The following AJM1 variants were observed in gnomAD, a reference collection of about 807,000 sequenced individuals.
AJM1 encodes apical junction component 1 homolog, also known as uncharacterized protein C9orf172.
AJM1 carries 22 observed loss-of-function variants against 43.0 expected under a neutral mutation model. That is an observed-to-expected ratio of 0.51 (90% CI 0.37 to 0.73). AJM1 has a LOEUF of 0.73. Among genes scored for constraint, AJM1 ranks in the 30% least tolerant of loss-of-function variants. The probability of loss-of-function intolerance (pLI) is 0.00; values close to 1 mark genes in which losing one functional copy is unlikely to be tolerated. For missense variants in AJM1, 1,305 were observed against 1,343.3 expected (o/e 0.97, Z 0.45); for synonymous variants, 719 against 638.3 (o/e 1.13, Z -1.91).
rs763040813 is a variant in AJM1, at chr9:136,846,762, G to C, written c.2348G>C (p.Arg783Pro). ...CTATCCCCCACCTACCTATCGCTGC[G>C]TGAGCTGGCCACACACGCGGCGCCC... ...LLLSPTYLSL[R>P]ELATHAAPLG... The change falls in exon 3 of 3, where the codon CGT (arginine) becomes CCT (proline). Residue 783 changes from arginine to proline, a missense_variant. Arg to Pro is a moderately radical substitution (Grantham distance 103, BLOSUM62 -2). Coordinates refer to ENST00000436881, the MANE Select transcript of AJM1 (RefSeq NM_001080482.5). 1 of 1,598,308 alleles carries C rather than the reference G, an allele frequency of 6.3e-7. No homozygotes were observed. The highest frequency in any genetic ancestry group is 8.5e-7 in the Non-Finnish European group (1 of 1,176,650).
Position 136,847,297 on chromosome 9 carries a change from C to T in AJM1, c.2883C>T (p.Arg961=). The T allele has an allele frequency of 6.4e-7, 1 of 1,550,478 alleles. No homozygotes were observed. The change falls in exon 3 of 3, where the codon CGC becomes CGT. Residue 961 remains arginine (R), a synonymous_variant. Transcript: ENST00000436881. The part of the protein sequence containing the change: ...MCMIMAASEP[R]ALDWVASANL... ...TGATCATGGCCGCCTCCGAGCCGCG[C>T]GCGCTCGACTGGGTGGCCAGCGCCA...
At position 136,845,448 on chromosome 9, in the gene AJM1, A is replaced by G; in HGVS notation, c.1034A>G (p.Tyr345Cys). The change falls in exon 3 of 3, where the codon TAT becomes TGT. Residue 345 changes from tyrosine (Y) to cysteine (C), a missense_variant. Coordinates refer to ENST00000436881, the MANE Select transcript of AJM1 (RefSeq NM_001080482.5). ...PIQEPPSRSY[Y>C]GEAPRAYGLP... ...CAGGAACCGCCCTCCCGCTCCTACT[A>G]TGGGGAGGCTCCACGAGCCTACGGC... 6.2e-7 allele frequency: 1 copy of G among 1,610,982 alleles called. No homozygotes were observed. Among genetic ancestry groups the G allele is most frequent in the East Asian group, 2.2e-5 (1 of 44,778 alleles).
In AJM1 at chr9:136,847,368, G is replaced by A. The variant is rs1289430070; in HGVS notation, c.*23G>A. On this transcript the variant is annotated 3_prime_UTR_variant, in exon 3 of 3. Transcript: ENST00000436881. ...TGAGGCGCCGGGCCCACCAGGCCTA[G>A]CCCAGGCGCTGGCCCGAACCCTGCC... is the stretch of plus-strand genomic sequence containing the variant. 6.8e-7 allele frequency: 1 copy of A among 1,474,338 alleles called. No homozygotes were observed. Among genetic ancestry groups the A allele is most frequent in the African/African-American group, 1.5e-5 (1 of 68,898 alleles). The allele number at this position is 1,474,338 out of a possible 1,614,324, so 91.3% of individuals were successfully genotyped here.
rs1384022217 is a variant in AJM1, at chr9:136,847,487, C to T, written c.*142C>T. Reference sequence around the variant, plus strand: ...TTCTTCTAGGCCCCGCCTCTAATTCCCCAGCCTTCCAAGCTCCGCTCAGTT... The same window carrying T: ...TTCTTCTAGGCCCCGCCTCTAATTCTCCAGCCTTCCAAGCTCCGCTCAGTT... On this transcript the variant is annotated 3_prime_UTR_variant, in exon 3 of 3. Coordinates refer to ENST00000436881, the MANE Select transcript of AJM1 (RefSeq NM_001080482.5). The T allele has an allele frequency of 3.1e-6, 2 of 638,520 alleles. No homozygotes were observed. Among genetic ancestry groups the T allele is most frequent in the South Asian group, 2.4e-5 (1 of 41,088 alleles). 39.6% of individuals were successfully genotyped at this position (638,520 alleles called of 1,614,324 possible).
chr9:136,847,753 G>A lies in AJM1; in HGVS notation c.*408G>A. 1 of 181,452 alleles carries A rather than the reference G, an allele frequency of 5.5e-6. No individual in the cohort carries two copies. The highest frequency in any genetic ancestry group is 1.1e-5 in the Non-Finnish European group (1 of 87,630). The allele number at this position is 181,452 out of a possible 1,614,324, so 11.2% of individuals were successfully genotyped here. Reference sequence around the variant, plus strand: ...GCCTTCACTCGGAGGGGTCACTACTGCACAGACCCCACCCGTAGAGATCCG... The same window carrying A: ...GCCTTCACTCGGAGGGGTCACTACTACACAGACCCCACCCGTAGAGATCCG... On this transcript the variant is annotated 3_prime_UTR_variant, in exon 3 of 3. Coordinates refer to ENST00000436881, the MANE Select transcript of AJM1 (RefSeq NM_001080482.5).
rs575731810 is a variant in AJM1 at position 136,845,743 on chromosome 9, C to A, written c.1329C>A (p.Arg443=). Residue 443 remains arginine, a synonymous_variant, in exon 3 of 3, where the codon CGC becomes CGA. Transcript: ENST00000436881. ...CGCCCCGGCTGGCCACCGACAGCCG[C>A]CACTACTCGCGCTCCTGGGACAACA... ...TSPPRLATDS[R]HYSRSWDNIL... 6.2e-4 allele frequency: 975 copies of A among 1,578,000 alleles called. 10 individuals are homozygous for A. In the African/African-American group the frequency reaches 0.012, roughly 20 times the overall value.
Position 136,847,466 on chromosome 9 carries a change from T to C in AJM1, c.*121T>C. 2 of 754,440 alleles carry C rather than the reference T, an allele frequency of 2.7e-6. No individual in the cohort carries two copies. Among genetic ancestry groups the C allele is most frequent in the Non-Finnish European group, 3.9e-6 (2 of 510,178 alleles). The allele number at this position is 754,440 out of a possible 1,614,324, so 46.7% of individuals were successfully genotyped here. The stretch of plus-strand genomic sequence containing the variant: ...CCGCCAGGGCCCCACCCCGACTTCT[T>C]CTAGGCCCCGCCTCTAATTCCCCAG... On this transcript the variant is annotated 3_prime_UTR_variant, in exon 3 of 3. Coordinates refer to ENST00000436881, the MANE Select transcript of AJM1 (RefSeq NM_001080482.5).
rs756007351 is a variant in AJM1 at position 136,845,886 on chromosome 9, C to G, written c.1472C>G (p.Pro491Arg). The G allele has an allele frequency of 3.2e-6, 5 of 1,558,262 alleles. No homozygotes were observed. The highest frequency in any genetic ancestry group is 4.3e-6 in the Non-Finnish European group (5 of 1,152,786). Residue 491 changes from proline (P) to arginine (R), a missense_variant, in exon 3 of 3, where the codon CCC becomes CGC. Transcript: ENST00000436881. ...RGVSPEGRRPPVVVNLSTSPR... is the reference protein window; with the variant it reads ...RGVSPEGRRPRVVVNLSTSPR... Reference sequence around the variant, plus strand: ...GTGTCCCCCGAAGGCCGGCGCCCGCCCGTCGTCGTGAACCTGTCCACCTCT... The same window carrying G: ...GTGTCCCCCGAAGGCCGGCGCCCGCGCGTCGTCGTGAACCTGTCCACCTCT...
chr9:136,845,691 C>T lies in AJM1; in HGVS notation c.1277C>T (p.Ser426Phe). Residue 426 changes from serine (S) to phenylalanine (F), a missense_variant, in exon 3 of 3, where the codon TCC becomes TTC. Physicochemically the swap from Ser to Phe is radical, Grantham distance 155. Coordinates refer to ENST00000436881, the MANE Select transcript of AJM1 (RefSeq NM_001080482.5). Reference protein sequence around the residue: ...PPSDPDPLLASWHGGTGTSPP... With the variant: ...PPSDPDPLLAFWHGGTGTSPP... ...TCTGACCCCGACCCGTTGCTCGCCTCCTGGCACGGCGGCACCGGCACCAGT... is the reference window on the plus strand; with the variant it reads ...TCTGACCCCGACCCGTTGCTCGCCTTCTGGCACGGCGGCACCGGCACCAGT... 6.4e-7 allele frequency: 1 copy of T among 1,573,960 alleles called. No individual in the cohort carries two copies. The highest frequency in any genetic ancestry group is 8.6e-7 in the Non-Finnish European group (1 of 1,168,454).
At position 136,847,435 on chromosome 9, in the gene AJM1, C is replaced by G; in HGVS notation, c.*90C>G. On this transcript the variant is annotated 3_prime_UTR_variant, in exon 3 of 3. Transcript: ENST00000436881. Reference sequence around the variant, plus strand: ...CGCCCGGCCCACCCAGGGCCGCCCCCGAGCCCCGCCAGGGCCCCACCCCGA... The same window carrying G: ...CGCCCGGCCCACCCAGGGCCGCCCCGGAGCCCCGCCAGGGCCCCACCCCGA... 1 of 1,094,570 alleles carries G rather than the reference C, an allele frequency of 9.1e-7. No individual in the cohort carries two copies. The highest frequency in any genetic ancestry group is 3.1e-5 in the East Asian group (1 of 31,832). 67.8% of individuals were successfully genotyped at this position (1,094,570 alleles called of 1,614,324 possible). A position where few individuals can be genotyped will look rare whatever the true frequency, so the allele number is the denominator to read the frequency against.
In AJM1 at chr9:136,846,022, T is replaced by C; in HGVS notation, c.1608T>C (p.Thr536=). 6.5e-7 allele frequency: 1 copy of C among 1,548,050 alleles called. No individual in the cohort carries two copies. Among genetic ancestry groups the C allele is most frequent in the Non-Finnish European group, 8.7e-7 (1 of 1,147,920 alleles). ...NWYVTPEITI[T]DNDLRATERP... ...ACGTGACGCCCGAGATCACCATCACTGACAATGACCTGCGCGCCACCGAGC... is the reference window on the plus strand; with the variant it reads ...ACGTGACGCCCGAGATCACCATCACCGACAATGACCTGCGCGCCACCGAGC... Residue 536 remains threonine (T), a synonymous_variant, in exon 3 of 3, where the codon ACT becomes ACC. Coordinates refer to ENST00000436881, the MANE Select transcript of AJM1 (RefSeq NM_001080482.5).
chr9:136,844,608 A>G lies in AJM1; in HGVS notation c.194A>G (p.Glu65Gly). The G allele has an allele frequency of 6.4e-7, 1 of 1,572,530 alleles. No individual in the cohort carries two copies. Among genetic ancestry groups the G allele is most frequent in the Non-Finnish European group, 8.6e-7 (1 of 1,161,460 alleles). The change falls in exon 3 of 3, where the codon GAG (glutamate) becomes GGG (glycine). Residue 65 changes from glutamate (E) to glycine (G), a missense_variant. Physicochemically the swap from Glu to Gly is moderately conservative, Grantham distance 98 (BLOSUM62 -2). This residue lies in a region of AJM1 where 128 missense variants were observed against 120.6 expected (regional missense o/e 1.06). Transcript: ENST00000436881. ...GAGGCGCTGGACGGGCCGGCCATGG[A>G]GACCCTGCCGGAGCCACCGCCGCCG... is the stretch of plus-strand genomic sequence containing the variant. ...FLEALDGPAM[E>G]TLPEPPPPES...
chr9:136,846,426 G>T lies in AJM1; in HGVS notation c.2012G>T (p.Arg671Leu). The change falls in exon 3 of 3, where the codon CGG becomes CTG. Residue 671 changes from arginine (R) to leucine (L), a missense_variant. Arg to Leu is a moderately radical substitution (Grantham distance 102). This residue lies in a region of AJM1 where 391 missense variants were observed against 507.5 expected (regional missense o/e 0.77). Coordinates refer to ENST00000436881, the MANE Select transcript of AJM1 (RefSeq NM_001080482.5). ...ATGACCTGCTCCAATGCGCGCTGCC[G>T]GCGCACCGAGACCATGTTCAACGCC... ...DLMTCSNARC[R>L]RTETMFNACL... The T allele has an allele frequency of 6.3e-7, 1 of 1,591,370 alleles. No homozygotes were observed. The highest frequency in any genetic ancestry group is 8.5e-7 in the Non-Finnish European group (1 of 1,177,182).
chr9:136,845,060 GCCCGC>G lies in AJM1; in HGVS notation c.657_661del (p.Pro220ValfsTer165), dbSNP rs1356988864. On this transcript the variant is annotated frameshift_variant, in exon 3 of 3. Transcript: ENST00000436881. LOFTEE classifies it high-confidence loss of function. Reference sequence around the variant, plus strand: ...CGGGCCCACCGAGGCCGCGCACTGGGCCCGCCCCGCCCCGCAGTTCCACGGCCTCA... The same window carrying G: ...CGGGCCCACCGAGGCCGCGCACTGGGCCCGCCCCGCAGTTCCACGGCCTCA... 3.0e-6 allele frequency: 3 copies of G among 987,540 alleles called. No homozygotes were observed. The highest frequency in any genetic ancestry group is 1.6e-5 in the African/African-American group (1 of 60,904). The allele number at this position is 987,540 out of a possible 1,614,324, so 61.2% of individuals were successfully genotyped here.
At chr9:136,843,188 C>G (rs1298880859) in intron 1 of AJM1, among the ~76,000 whole-genome samples, 2 of 152,218 alleles carry the variant, frequency 1.3e-5, no homozygotes, top group Non-Finnish European at 2.9e-5. Context: ...TGGCCAGGTA[C>G]CCGCTTTCCC....
At position 136,844,982 on chromosome 9, in the gene AJM1, A is replaced by G; in HGVS notation, c.568A>G (p.Ile190Val). The change falls in exon 3 of 3, where the codon ATC becomes GTC. Residue 190 changes from isoleucine (I) to valine (V), a missense_variant. Transcript: ENST00000436881. ...CCCCCACGTGCGCTGCCGCCTGGAC[A>G]TCAAGCCAGACGACGCAGTGCTCCA... The part of the protein sequence containing the change: ...PAPHVRCRLD[I>V]KPDDAVLQHA... 3.3e-6 allele frequency: 2 copies of G among 611,878 alleles called. No homozygotes were observed. The highest frequency in any genetic ancestry group is 1.8e-5 in the South Asian group (1 of 54,620). The allele number at this position is 611,878 out of a possible 1,614,324, so 37.9% of individuals were successfully genotyped here.
Position 136,847,519 on chromosome 9 carries a change from C to G in AJM1, c.*174C>G. 3.8e-6 allele frequency: 2 copies of G among 530,498 alleles called. No homozygotes were observed. The highest frequency in any genetic ancestry group is 2.9e-5 in the South Asian group (1 of 34,846). The allele number at this position is 530,498 out of a possible 1,614,324, so 32.9% of individuals were successfully genotyped here. A position where few individuals can be genotyped will look rare whatever the true frequency, so the allele number is the denominator to read the frequency against. Reference sequence around the variant, plus strand: ...TTCCAAGCTCCGCTCAGTTCGGCCTCCAGCTCCGCCCAGGCCCCCACCCCC... The same window carrying G: ...TTCCAAGCTCCGCTCAGTTCGGCCTGCAGCTCCGCCCAGGCCCCCACCCCC... On this transcript the variant is annotated 3_prime_UTR_variant, in exon 3 of 3. Transcript: ENST00000436881.
Position 136,846,505 on chromosome 9 carries a change from G to A in AJM1, c.2091G>A (p.Leu697=), listed in dbSNP as rs757274181. ...HSCYTYYCSR[L]CRREDWDAHK... ...GCTACACCTACTACTGCTCGCGCCT[G>A]TGCCGCCGCGAGGACTGGGACGCCC... Residue 697 remains leucine (L), a synonymous_variant, in exon 3 of 3, where the codon CTG becomes CTA. Coordinates refer to ENST00000436881, the MANE Select transcript of AJM1 (RefSeq NM_001080482.5). 47 of 1,594,326 alleles carry A rather than the reference G, an allele frequency of 2.9e-5. No homozygotes were observed. Among genetic ancestry groups the A allele is most frequent in the Middle Eastern group, 2.3e-4 (1 of 4,432 alleles).
At position 136,846,994 on chromosome 9, in the gene AJM1, G is replaced by C; in HGVS notation, c.2580G>C (p.Pro860=). The C allele has an allele frequency of 8.2e-7, 1 of 1,218,648 alleles. No homozygotes were observed. Among genetic ancestry groups the C allele is most frequent in the Non-Finnish European group, 1.1e-6 (1 of 928,274 alleles). The allele number at this position is 1,218,648 out of a possible 1,614,324, so 75.5% of individuals were successfully genotyped here. ...VALAAGSPAR[P]PPARSREPDM... The stretch of plus-strand genomic sequence containing the variant: ...TGGCGGCCGGCAGCCCCGCGCGGCC[G>C]CCCCCGGCGCGGAGCCGCGAGCCCG... Residue 860 remains proline, a synonymous_variant, in exon 3 of 3, where the codon CCG becomes CCC. Transcript: ENST00000436881.
Sources: gnomAD v4.1 joint callset for allele counts (sites outside exome capture counted in the v4.1 genomes callset) on GRCh38, gnomAD v4.1.1 for gene constraint, gnomAD v4.1.1 regional missense constraint, MANE v1.5 for transcripts, NCBI Gene and HGNC (gene_info 2026-07-23, HGNC 2026-07-21) for gene names.